The following CPPED1 variants were observed in gnomAD, a reference collection of about 807,000 sequenced individuals.
CPPED1 encodes serine/threonine-protein phosphatase CPPED1.
Under a neutral mutation model 28.0 loss-of-function variants are expected in CPPED1, and 28 were observed. The observed-to-expected ratio is 1.00, with a 90% CI of 0.74 to 1.37. The LOEUF (loss-of-function observed/expected upper bound fraction) is 1.37, where lower values mean the gene tolerates loss of function less well. Among genes scored for constraint, CPPED1 ranks in the 40% most tolerant of loss-of-function variants. CPPED1 has a pLI of 0.00. For synonymous variants in CPPED1, 198 were observed against 180.2 expected (o/e 1.10, Z -0.79); for missense variants, 504 against 416.5 (o/e 1.21, Z -1.83).
intron 2 of CPPED1, among the ~76,000 whole-genome samples, chr16:12,775,559 T>C (rs1446117336): frequency 6.6e-6 from 1 of 152,194 alleles, no homozygotes; most frequent in Non-Finnish European, 1.5e-5. Context: ...GGATGCTCAA[T>C]CTATCAGTGC....
rs1005445485 is a variant in CPPED1 at position 12,660,837 on chromosome 16, G to C, written c.*4049C>G. 1 of 152,268 alleles carries C rather than the reference G, an allele frequency of 6.6e-6. No homozygotes were observed. Among genetic ancestry groups the C allele is most frequent in the Non-Finnish European group, 1.5e-5 (1 of 68,070 alleles). The allele number at this position is 152,268 out of a possible 1,614,324, so 9.4% of individuals were successfully genotyped here. A position where few individuals can be genotyped will look rare whatever the true frequency, so the allele number is the denominator to read the frequency against. Reference sequence around the variant, plus strand: ...GTATTAAGAGTTCAAGTAAGGCTGGGTACAGTGGCCAACGCCTGTAATCCC... The same window carrying C: ...GTATTAAGAGTTCAAGTAAGGCTGGCTACAGTGGCCAACGCCTGTAATCCC... On this transcript the variant is annotated 3_prime_UTR_variant, in exon 4 of 4. Transcript: ENST00000381774.
At chr16:12,765,482 T>C (rs1305568084) in intron 2 of CPPED1, among the ~76,000 whole-genome samples, 2 of 152,262 alleles carry the variant, frequency 1.3e-5, no homozygotes, top group African/African-American at 4.8e-5. Context: ...CTTTGTATGA[T>C]ATAAAATATG....
chr16:12,750,107 G>A (rs576669146), intron 2 of CPPED1, among the ~76,000 whole-genome samples: 27 of 152,288 alleles, frequency 1.8e-4, no homozygotes, highest in African/African-American at 6.5e-4. Context: ...TGTTGTGGCT[G>A]GTTTGATCTT....
At chr16:12,683,581 T>C (rs2079917263) in intron 3 of CPPED1, among the ~76,000 whole-genome samples, 1 of 152,138 alleles carries the variant, frequency 6.6e-6, no homozygotes, top group African/African-American at 2.4e-5. Context: ...TGCACACCCC[T>C]CCTCGTGTGG....
chr16:12,672,286 G>C (rs921307547), intron 3 of CPPED1, among the ~76,000 whole-genome samples: 1 of 152,240 alleles, frequency 6.6e-6, no homozygotes, highest in Non-Finnish European at 1.5e-5. Flanking sequence ...CATTTTGGTA[G>C]ACAGTTATCC....
At chr16:12,704,476 A>G in intron 3 of CPPED1, 148 bp downstream of exon 3, 1 of 749,898 alleles carries the variant, frequency 1.3e-6, no homozygotes. Context: ...CCAGACATGC[A>G]GTCTGCAAGT....
intron 1 of CPPED1, among the ~76,000 whole-genome samples, chr16:12,784,926 A>T (rs775233800): frequency 1.3e-5 from 2 of 152,024 alleles, no homozygotes; most frequent in Admixed American, 1.3e-4. Context: ...TAGAATCTCA[A>T]TTTTATGTGA....
intron 2 of CPPED1, among the ~76,000 whole-genome samples, chr16:12,727,256 G>C (rs1403034873): frequency 6.6e-6 from 1 of 152,168 alleles, no homozygotes; most frequent in African/African-American, 2.4e-5. Flanking sequence ...ATTCTGGCTG[G>C]TGGCGACAGG....
At position 12,713,212 on chromosome 16, in the gene CPPED1, G is replaced by C. The variant is rs554855794; in HGVS notation, c.290-8163C>G. ...ATCTGAATAATTACATTTTCAAAAA[G>C]AGAGTTTTCTTCTAGAGCAGATGAC... On this transcript the variant is annotated intron_variant, in intron 2 of 3. Transcript: ENST00000381774. Among the ~76,000 whole-genome samples, 261 of 145,614 alleles carry C rather than the reference G, an allele frequency of 1.8e-3. 7 individuals carry two copies. The South Asian group carries it at 0.055, about 31-fold the overall frequency.
intron 2 of CPPED1, among the ~76,000 whole-genome samples, chr16:12,726,167 G>A (rs1161421925): frequency 2.7e-5 from 4 of 150,062 alleles, no homozygotes; most frequent in South Asian, 2.1e-4. Context: ...TCAGCCTCCC[G>A]AGTAGCTGGG....
chr16:12,766,877 G>A (rs1179876081), intron 2 of CPPED1, among the ~76,000 whole-genome samples: 1 of 152,172 alleles, frequency 6.6e-6, no homozygotes, highest in Non-Finnish European at 1.5e-5. Context: ...GACTGCCATA[G>A]CCGATTTGCC....
chr16:12,788,590 G>A (rs533262102), intron 1 of CPPED1, among the ~76,000 whole-genome samples: 18 of 152,188 alleles, frequency 1.2e-4, no homozygotes, highest in African/African-American at 4.1e-4. Flanking sequence ...AGGGGGAAGG[G>A]AGATGGGGCT....
chr16:12,750,967 CA>C (rs1464165572), intron 2 of CPPED1, among the ~76,000 whole-genome samples: 2 of 146,296 alleles, frequency 1.4e-5, no homozygotes, highest in African/African-American at 5.0e-5. Context: ...GACTCTGTCT[CA>C]AAAAAGGAAA....
At chr16:12,780,694 C>G (rs1272915708) in intron 2 of CPPED1, among the ~76,000 whole-genome samples, 1 of 149,530 alleles carries the variant, frequency 6.7e-6, no homozygotes, top group Non-Finnish European at 1.5e-5. Context: ...CCCAGGTCTG[C>G]TCCCAGACTT....
chr16:12,740,749 C>T (rs2080251043), intron 2 of CPPED1, among the ~76,000 whole-genome samples: 2 of 152,170 alleles, frequency 1.3e-5, no homozygotes, highest in Admixed American at 6.5e-5. Context: ...GAGAGAATCC[C>T]TAGCAGAGTG....
In CPPED1 at chr16:12,704,769, G is replaced by T; in HGVS notation, c.570C>A (p.Ser190Arg). ...AQDQWLDEQLSIARQRHCQHA... is the reference protein window; with the variant it reads ...AQDQWLDEQLRIARQRHCQHA... Reference sequence around the variant, plus strand: ...GCTGGCAGTGCCGCTGCCTCGCGATGCTCAGCTGCTCGTCCAGCCACTGGT... The same window carrying T: ...GCTGGCAGTGCCGCTGCCTCGCGATTCTCAGCTGCTCGTCCAGCCACTGGT... The change falls in exon 3 of 4, where the codon AGC becomes AGA. Residue 190 changes from serine to arginine, a missense_variant. By Grantham distance (110) the Ser-to-Arg change is moderately radical. Coordinates refer to ENST00000381774, the MANE Select transcript of CPPED1 (RefSeq NM_018340.3). The T allele has an allele frequency of 6.2e-7, 1 of 1,614,214 alleles. No homozygotes were observed. Among genetic ancestry groups the T allele is most frequent in the Non-Finnish European group, 8.5e-7 (1 of 1,180,034 alleles).
Position 12,665,008 on chromosome 16 carries a change from G to T in CPPED1, c.823C>A (p.Pro275Thr). Residue 275 changes from proline (P) to threonine (T), a missense_variant, in exon 4 of 4, where the codon CCC (proline) becomes ACC (threonine). Transcript: ENST00000381774. The stretch of plus-strand genomic sequence containing the variant: ...ACCACCACGACTCGGAGCCCGTGGG[G>T]GTCTCTGCCCAGCTGGCATCCAATG... Reference protein sequence around the residue: ...SAIGCQLGRDPHGLRVVVVTA... With the variant: ...SAIGCQLGRDTHGLRVVVVTA... 6.2e-7 allele frequency: 1 copy of T among 1,611,112 alleles called. No individual in the cohort carries two copies. The highest frequency in any genetic ancestry group is 8.5e-7 in the Non-Finnish European group (1 of 1,179,066).
chr16:12,679,405 A>C (rs1012932221), intron 3 of CPPED1, among the ~76,000 whole-genome samples: 48 of 152,348 alleles, frequency 3.2e-4, no homozygotes, highest in African/African-American at 1.2e-3. Flanking sequence ...TTAAACCCAA[A>C]TGTTGTAAAA....
chr16:12,800,210 G>A (rs2080650907), intron 1 of CPPED1, among the ~76,000 whole-genome samples: 1 of 152,176 alleles, frequency 6.6e-6, no homozygotes, highest in Admixed American at 6.5e-5. Context: ...CACTTTGGGA[G>A]GCCGAGGTGC....
Sources: gnomAD v4.1 joint callset for allele counts (sites outside exome capture counted in the v4.1 genomes callset) on GRCh38, gnomAD v4.1.1 for gene constraint, MANE v1.5 for transcripts, NCBI Gene and HGNC (gene_info 2026-07-23, HGNC 2026-07-21) for gene names.